Variants in RPF2 observed in about 807,000 individuals in gnomAD.
The protein encoded by RPF2 is ribosome production factor 2 homolog.
In RPF2, 21 loss-of-function variants were observed where a neutral mutation model predicts 38.9. The observed-to-expected ratio is 0.54, with a 90% CI of 0.38 to 0.78. The LOEUF is 0.78. Ranked by LOEUF, RPF2 falls within the 30% of genes least tolerant of loss-of-function variation. The pLI is 0.00. For missense variants in RPF2, 314 were observed against 358.1 expected, an observed-to-expected ratio of 0.88 and a Z score of 0.99; for synonymous variants, 121 against 126.2, an observed-to-expected ratio of 0.96 and a Z score of 0.28.
chr6:111,025,343 A>G (rs1184164709), intron 9 of RPF2, 60 bp from the exon 10 acceptor site: 6 of 1,221,416 alleles, frequency 4.9e-6, no homozygotes, highest in African/African-American at 1.5e-5. Context: ...TACAGACTAG[A>G]TTTTTACTGG....
intron 8 of RPF2, among the ~76,000 whole-genome samples, chr6:111,023,761 G>A (rs756520005): frequency 2.0e-5 from 3 of 152,152 alleles, no homozygotes; most frequent in Non-Finnish European, 2.9e-5. Flanking sequence ...GCCGAGGCAG[G>A]AGGATCATGA....
chr6:110,985,818 G>A (rs1163895782), intron 2 of RPF2, among the ~76,000 whole-genome samples: 1 of 151,616 alleles, frequency 6.6e-6, no homozygotes, highest in African/African-American at 2.4e-5. Flanking sequence ...GGCGCCTGTA[G>A]TCCCAGTTGC....
Position 111,026,530 on chromosome 6 carries a change from TGAAAAAG to T in RPF2, c.*951_*957del, listed in dbSNP as rs1349210112. The T allele has an allele frequency of 6.6e-6, 1 of 152,180 alleles. No individual in the cohort carries two copies. The highest frequency in any genetic ancestry group is 1.5e-5 in the Non-Finnish European group (1 of 68,082). 9.4% of individuals were successfully genotyped at this position (152,180 alleles called of 1,614,324 possible). ...AAAGAAGTTTTGATAGGGGCAGAAA[TGAAAAAG>T]GAGAAAACAGGTGAGTTTTAAGGTG... On this transcript the variant is annotated 3_prime_UTR_variant, in exon 10 of 10. Transcript: ENST00000441448.
chr6:111,014,192 A>G (rs569243086), intron 7 of RPF2, among the ~76,000 whole-genome samples: 1 of 150,854 alleles, frequency 6.6e-6, no homozygotes, highest in South Asian at 2.1e-4. Context: ...GCTGGAGTAC[A>G]GTGGCGCAAT....
At chr6:111,015,164 T>C (rs1041012441) in intron 7 of RPF2, among the ~76,000 whole-genome samples, 1 of 152,238 alleles carries the variant, frequency 6.6e-6, no homozygotes, top group African/African-American at 2.4e-5. Context: ...AAATTATATC[T>C]GGCTTTGTAT....
chr6:111,025,892 G>A lies in RPF2; in HGVS notation c.*310G>A, dbSNP rs555097785. On this transcript the variant is annotated 3_prime_UTR_variant, in exon 10 of 10. Transcript: ENST00000441448. ...CCATTGGGATTTTTTTGAATTTCTG[G>A]CCTTAGCTAAAGAAAGCCACAGAAA... The A allele has an allele frequency of 5.1e-5, 9 of 175,488 alleles. No homozygotes were observed. Among genetic ancestry groups the A allele is most frequent in the Non-Finnish European group, 9.6e-5 (8 of 83,328 alleles). The allele number at this position is 175,488 out of a possible 1,614,324, so 10.9% of individuals were successfully genotyped here. A position where few individuals can be genotyped will look rare whatever the true frequency, so the allele number is the denominator to read the frequency against.
intron 2 of RPF2, 103 bp from the exon 3 acceptor site, chr6:110,988,925 A>G: frequency 7.2e-7 from 1 of 1,395,956 alleles, no homozygotes; most frequent in Non-Finnish European, 9.7e-7. Context: ...AATAAGATTG[A>G]GGCCCCAGAG....
chr6:111,024,778 A>G (rs931544985), intron 9 of RPF2, among the ~76,000 whole-genome samples: 1 of 152,016 alleles, frequency 6.6e-6, no homozygotes, highest in Non-Finnish European at 1.5e-5. Flanking sequence ...TCACAGAGCC[A>G]GGAAAAGGAG....
chr6:111,016,696 T>TTTTTTTTTTTTG (rs1772119927), intron 8 of RPF2, among the ~76,000 whole-genome samples: 1 of 149,600 alleles, frequency 6.7e-6, no homozygotes, highest in African/African-American at 2.5e-5. Flanking sequence ...TCTTTTTTTT[T>TTTTTTTTTTTTG]TTTTTAATTG....
At position 110,982,246 on chromosome 6, in the gene RPF2, G is replaced by A. The variant is rs534448408; in HGVS notation, c.23+117G>A. On this transcript the variant is annotated intron_variant, in intron 1 of 9. Transcript: ENST00000441448. Reference sequence around the variant, plus strand: ...TTACCCCTCTAATTACCTGGGTGGGGGCCGATCGATCACCAGCCCGGGTCC... The same window carrying A: ...TTACCCCTCTAATTACCTGGGTGGGAGCCGATCGATCACCAGCCCGGGTCC... 65 of 1,200,144 alleles carry A rather than the reference G, an allele frequency of 5.4e-5. No homozygotes were observed. In the African/African-American group the frequency reaches 9.0e-4, roughly 17 times the overall value. The allele number at this position is 1,200,144 out of a possible 1,614,324, so 74.3% of individuals were successfully genotyped here.
chr6:110,996,490 C>T (rs1025214378), intron 4 of RPF2, among the ~76,000 whole-genome samples: 2 of 151,964 alleles, frequency 1.3e-5, no homozygotes, highest in Non-Finnish European at 2.9e-5. Context: ...TACTGGGCCT[C>T]GTGTGTTTTG....
At chr6:111,000,084 T>A (rs1484093371) in intron 6 of RPF2, among the ~76,000 whole-genome samples, 1 of 152,000 alleles carries the variant, frequency 6.6e-6, no homozygotes, top group Non-Finnish European at 1.5e-5. Flanking sequence ...GCTTTTTTCA[T>A]AGTTTGAATT....
At chr6:111,017,269 T>C (rs7768028) in intron 8 of RPF2, among the ~76,000 whole-genome samples, 148,768 of 149,048 alleles carry the variant, frequency 1, 74,244 homozygotes, top group African/African-American at 1. Flanking sequence ...CGGGCAGAGG[T>C]GCCCCCAACC....
intron 5 of RPF2, among the ~76,000 whole-genome samples, chr6:110,998,538 A>G (rs1274820343): frequency 6.6e-6 from 1 of 152,172 alleles, no homozygotes; most frequent in Non-Finnish European, 1.5e-5. Context: ...TCAATGTCAC[A>G]AGGTGAAAAC....
intron 8 of RPF2, among the ~76,000 whole-genome samples, chr6:111,019,312 C>T (rs574259071): frequency 1.4e-4 from 22 of 152,146 alleles, no homozygotes; most frequent in East Asian, 5.8e-4. Flanking sequence ...CTGGGCCACA[C>T]GCCTATAATC....
chr6:110,991,842 C>G, intron 4 of RPF2, 56 bp downstream of exon 4: 1 of 666,774 alleles, frequency 1.5e-6, no homozygotes. Context: ...ATTATTCAGA[C>G]TAATTCATTT....
chr6:111,015,955 C>T (rs1468845983), intron 8 of RPF2, 99 bp downstream of exon 8: 3 of 853,598 alleles, frequency 3.5e-6, no homozygotes, highest in Middle Eastern at 2.2e-4. Flanking sequence ...GGTATCTGGC[C>T]AAAAGGTTTC....
chr6:110,982,092 C>A lies in RPF2; in HGVS notation c.-15C>A. The A allele has an allele frequency of 1.2e-6, 2 of 1,614,140 alleles. No individual in the cohort carries two copies. The highest frequency in any genetic ancestry group is 2.2e-5 in the South Asian group (2 of 91,084). ...GTGCATGCCCCCTGGTTAAGAGTTG[C>A]AGGTAGCGGTAGCGATGGACACTCT... On this transcript the variant is annotated 5_prime_UTR_variant, in exon 1 of 10. Transcript: ENST00000441448.
chr6:111,025,338 A>G, intron 9 of RPF2, 65 bp from the exon 10 acceptor site: 2 of 1,119,156 alleles, frequency 1.8e-6, no homozygotes, highest in Non-Finnish European at 2.6e-6. Flanking sequence ...GTTGTTACAG[A>G]CTAGATTTTT....
Sources: gnomAD v4.1 joint callset for allele counts (sites outside exome capture counted in the v4.1 genomes callset) on GRCh38, gnomAD v4.1.1 for gene constraint, MANE v1.5 for transcripts, NCBI Gene and HGNC (gene_info 2026-07-23, HGNC 2026-07-21) for gene names.